Variants in CSMD1 observed in about 807,000 individuals in gnomAD.
CSMD1 encodes the protein CUB and sushi domain-containing protein 1.
Under a neutral mutation model 417.5 loss-of-function variants are expected in CSMD1, and 213 were observed. The observed-to-expected ratio is 0.51, with a 90% confidence interval of 0.46 to 0.57. CSMD1 has a LOEUF of 0.57. Ranked by LOEUF, CSMD1 falls within the 20% of genes least tolerant of loss-of-function variation. CSMD1 has a pLI of 0.00. For synonymous variants in CSMD1, 2,862 were observed against 1,736.8 expected, an observed-to-expected ratio of 1.65 and a Z score of -16.11; for missense variants, 6,923 against 4,529.7, an observed-to-expected ratio of 1.53 and a Z score of -15.17.
intron 1 of CSMD1, among the ~76,000 whole-genome samples, chr8:4,705,158 C>T (rs563643514): frequency 4.4e-4 from 67 of 152,230 alleles, no homozygotes; most frequent in African/African-American, 1.5e-3. Context: ...CCTCCTTCCC[C>T]TTCACCATAA....
chr8:3,636,676 C>T (rs1053816850), intron 7 of CSMD1, among the ~76,000 whole-genome samples: 1 of 152,184 alleles, frequency 6.6e-6, no homozygotes, highest in Non-Finnish European at 1.5e-5. Context: ...TAGTCTTGAT[C>T]CTGTGGAGAG....
chr8:3,139,209 C>A (rs1329437462), intron 41 of CSMD1, among the ~76,000 whole-genome samples: 3 of 152,128 alleles, frequency 2.0e-5, no homozygotes, highest in African/African-American at 4.8e-5. Context: ...GAGGCACAGG[C>A]ACAAGAGTTA....
chr8:3,985,192 T>C (rs908770097), intron 5 of CSMD1, among the ~76,000 whole-genome samples: 2 of 152,162 alleles, frequency 1.3e-5, no homozygotes, highest in Non-Finnish European at 2.9e-5. Flanking sequence ...TCACAGTTTG[T>C]GGTAAACTAG....
At chr8:4,753,486 C>T (rs1366016477) in intron 1 of CSMD1, among the ~76,000 whole-genome samples, 9 of 151,576 alleles carry the variant, frequency 5.9e-5, no homozygotes, top group African/African-American at 2.2e-4. Context: ...ATTTTCCCCT[C>T]CATTCTTCTT....
chr8:4,774,089 C>T (rs147762671), intron 1 of CSMD1, among the ~76,000 whole-genome samples: 3,505 of 152,244 alleles, frequency 0.023, 130 homozygotes, highest in African/African-American at 0.08. Flanking sequence ...CCCAGCTACT[C>T]AGGAGGCTGA....
intron 5 of CSMD1, among the ~76,000 whole-genome samples, chr8:3,923,599 T>C (rs1395198376): frequency 1.3e-5 from 2 of 152,180 alleles, no homozygotes; most frequent in African/African-American, 4.8e-5. Context: ...CATCACCTCA[T>C]ATACTCACCA....
At chr8:3,061,327 T>C (rs531450160) in intron 49 of CSMD1, among the ~76,000 whole-genome samples, 10 of 152,304 alleles carry the variant, frequency 6.6e-5, no homozygotes, top group African/African-American at 2.4e-4. Context: ...GAAATAATAA[T>C]TTTCCTTCAG....
intron 47 of CSMD1, among the ~76,000 whole-genome samples, chr8:3,093,492 C>A (rs1434896771): frequency 6.6e-6 from 1 of 152,002 alleles, no homozygotes; most frequent in Non-Finnish European, 1.5e-5. Context: ...TATGGTAAAA[C>A]CCCATCATTA....
intron 7 of CSMD1, among the ~76,000 whole-genome samples, chr8:3,668,759 T>A (rs965227152): frequency 2.0e-5 from 3 of 152,212 alleles, no homozygotes; most frequent in Non-Finnish European, 4.4e-5. Flanking sequence ...AGACCCATAC[T>A]GAACATCCTG....
chr8:4,654,901 A>G (rs1369065932), intron 1 of CSMD1, among the ~76,000 whole-genome samples: 1 of 152,106 alleles, frequency 6.6e-6, no homozygotes, highest in Non-Finnish European at 1.5e-5. Flanking sequence ...ATTATACATT[A>G]TACAATATAC....
At chr8:3,199,665 A>T (rs572485564) in intron 33 of CSMD1, 49 bp downstream of exon 33, 1 of 1,289,808 alleles carries the variant, frequency 7.8e-7, no homozygotes, top group African/African-American at 1.5e-5. Context: ...TGGGTGCAGC[A>T]TCAGGAAAGA....
chr8:3,774,124 G>T (rs541323340), intron 5 of CSMD1, among the ~76,000 whole-genome samples: 8 of 152,124 alleles, frequency 5.3e-5, no homozygotes, highest in Admixed American at 2.6e-4. Context: ...TCCCTCTTAG[G>T]TTTGAGCATA....
chr8:3,478,572 G>A (rs1232245236), intron 11 of CSMD1, among the ~76,000 whole-genome samples: 5 of 152,168 alleles, frequency 3.3e-5, no homozygotes, highest in Non-Finnish European at 7.3e-5. Context: ...AGAGCATGGG[G>A]TGACTTGTGG....
At chr8:4,019,602 G>T (rs1248898968) in intron 4 of CSMD1, among the ~76,000 whole-genome samples, 7 of 152,144 alleles carry the variant, frequency 4.6e-5, no homozygotes, top group African/African-American at 7.2e-5. Flanking sequence ...GCTGCTTGTT[G>T]TCAGAAGACA....
At chr8:3,414,530 T>C (rs754750917) in intron 12 of CSMD1, among the ~76,000 whole-genome samples, 1 of 152,170 alleles carries the variant, frequency 6.6e-6, no homozygotes, top group South Asian at 2.1e-4. Context: ...TCGCTCCCCA[T>C]GCTGCATCCC....
intron 1 of CSMD1, among the ~76,000 whole-genome samples, chr8:4,659,697 A>G (rs184156812): frequency 6.6e-6 from 1 of 152,272 alleles, no homozygotes; most frequent in Non-Finnish European, 1.5e-5. Flanking sequence ...TGGATGATAA[A>G]CTGTTTCTCA....
At chr8:4,872,736 A>G (rs765031290) in intron 1 of CSMD1, among the ~76,000 whole-genome samples, 1 of 152,132 alleles carries the variant, frequency 6.6e-6, no homozygotes, top group Non-Finnish European at 1.5e-5. Flanking sequence ...CCTGTGGATT[A>G]AAAGATAATT....
At chr8:3,341,703 T>C (rs1015067691) in intron 23 of CSMD1, among the ~76,000 whole-genome samples, 1 of 152,036 alleles carries the variant, frequency 6.6e-6, no homozygotes, top group African/African-American at 2.4e-5. Flanking sequence ...GCAACGAAAA[T>C]GTGTTCAGTG....
At chr8:3,849,345 G>A (rs1266164088) in intron 5 of CSMD1, among the ~76,000 whole-genome samples, 1 of 152,116 alleles carries the variant, frequency 6.6e-6, no homozygotes, top group African/African-American at 2.4e-5. Context: ...GAGATGAAGT[G>A]GAGAGAGGTG....
Sources: allele counts gnomAD v4.1 joint callset (sites outside exome capture counted in the v4.1 genomes callset), GRCh38; gene constraint gnomAD v4.1.1; transcripts MANE v1.5; gene names NCBI Gene and HGNC (gene_info 2026-07-23, HGNC 2026-07-21).